Variants in MTCL1 observed in about 807,000 individuals in gnomAD.
The protein encoded by MTCL1 is microtubule cross-linking factor 1.
In MTCL1, 79 loss-of-function variants were observed where a neutral mutation model predicts 141.4. The observed-to-expected ratio is 0.56, with a 90% confidence interval of 0.47 to 0.67. The LOEUF (loss-of-function observed/expected upper bound fraction) is 0.67. Ranked by LOEUF, MTCL1 falls within the 30% of genes least tolerant of loss-of-function variation. The probability of loss-of-function intolerance (pLI) is 0.00; values close to 1 mark genes in which losing one functional copy is unlikely to be tolerated. For synonymous variants in MTCL1, 914 were observed against 875.8 expected, an observed-to-expected ratio of 1.04 and a Z score of -0.77; for missense variants, 2,177 against 2,113.9, an observed-to-expected ratio of 1.03 and a Z score of -0.59.
In MTCL1 at chr18:8,824,895, C is replaced by CCG; in HGVS notation, c.3386_3387dup (p.Asp1130ArgfsTer29). On this transcript the variant is annotated frameshift_variant, in exon 15 of 17. Coordinates refer to ENST00000359865, the Ensembl canonical transcript of MTCL1. LOFTEE classifies it high-confidence loss of function. ...CAACAGGGGCCACAATGGTGGGGGGCCGGACCTTTGGGCCGACAGGACCGA... is the reference window on the plus strand; with the variant it reads ...CAACAGGGGCCACAATGGTGGGGGGCCGCGGACCTTTGGGCCGACAGGACCGA... The CCG allele has an allele frequency of 6.2e-7, 1 of 1,613,888 alleles. No individual in the cohort carries two copies. The highest frequency in any genetic ancestry group is 8.5e-7 in the Non-Finnish European group (1 of 1,180,006).
At chr18:8,825,104 C>A (rs199872444) in exon 15 of MTCL1, 1 of 1,604,180 alleles carries the variant, frequency 6.2e-7, no homozygotes, top group Non-Finnish European at 8.5e-7. Flanking sequence ...GCCCGCCTGC[C>A]GTGCGCAGGG....
chr18:8,750,326 G>A (rs969110773), intron 4 of MTCL1, among the ~76,000 whole-genome samples: 1 of 152,222 alleles, frequency 6.6e-6, no homozygotes, highest in Non-Finnish European at 1.5e-5. Context: ...GATTACAGAC[G>A]TGAGTCTCTG....
intron 6 of MTCL1, among the ~76,000 whole-genome samples, chr18:8,785,510 C>T (rs1047636531): frequency 6.6e-6 from 1 of 152,216 alleles, no homozygotes; most frequent in Non-Finnish European, 1.5e-5. Context: ...GTGCATGGCC[C>T]AGCTGCCGCC....
At chr18:8,771,153 A>T (rs979803869) in intron 4 of MTCL1, among the ~76,000 whole-genome samples, 4 of 151,994 alleles carry the variant, frequency 2.6e-5, no homozygotes, top group Non-Finnish European at 5.9e-5. Flanking sequence ...ATCTTTTTTT[A>T]AAAATTATTT....
chr18:8,764,506 CA>C (rs1052539818), intron 4 of MTCL1, among the ~76,000 whole-genome samples: 27 of 152,060 alleles, frequency 1.8e-4, no homozygotes, highest in African/African-American at 6.5e-4. Flanking sequence ...TTAGTAGAGA[CA>C]GGGTTTCACC....
rs1406088097 is a variant in MTCL1, at chr18:8,817,326, A to G, written c.2860-1637A>G. Among the ~76,000 whole-genome samples, 3 of 144,360 alleles carry G rather than the reference A, an allele frequency of 2.1e-5. No homozygotes were observed. The East Asian group carries it at 6.0e-4, about 29-fold the overall frequency. The allele number at this position is 144,360 out of a possible 152,430, so 94.7% of individuals were successfully genotyped here. On this transcript the variant is annotated intron_variant, in intron 12 of 16. Coordinates refer to ENST00000359865, the Ensembl canonical transcript of MTCL1. Reference sequence around the variant, plus strand: ...AACTGCAAAGAACTGTGTCATCATCAGGGAGGTGGAGGAGGAGAGAGCAGA... The same window carrying G: ...AACTGCAAAGAACTGTGTCATCATCGGGGAGGTGGAGGAGGAGAGAGCAGA...
exon 17 of MTCL1, chr18:8,831,969 T>C (rs1568124835): frequency 1.2e-6 from 1 of 821,502 alleles, no homozygotes; most frequent in Non-Finnish European, 1.9e-6. Context: ...ACTGAGATGT[T>C]TCTAGAATGA....
chr18:8,718,745 C>A, intron 3 of MTCL1, 97 bp downstream of exon 2: 1 of 1,093,538 alleles, frequency 9.1e-7, no homozygotes, highest in Non-Finnish European at 1.4e-6. Flanking sequence ...TTGTGTCTGT[C>A]TCTACAGATT....
chr18:8,728,455 G>A (rs904328508), intron 4 of MTCL1, among the ~76,000 whole-genome samples: 2 of 151,974 alleles, frequency 1.3e-5, no homozygotes, highest in Non-Finnish European at 2.9e-5. Context: ...TTTTATTTTT[G>A]AAGCTAATCT....
intron 14 of MTCL1, among the ~76,000 whole-genome samples, chr18:8,823,708 G>A (rs768588792): frequency 4.6e-5 from 7 of 152,222 alleles, no homozygotes; most frequent in South Asian, 2.1e-4. Flanking sequence ...GTTTTACCCC[G>A]TGGTGCTGAC....
chr18:8,754,660 G>T (rs922351552), intron 4 of MTCL1, among the ~76,000 whole-genome samples: 2 of 151,958 alleles, frequency 1.3e-5, no homozygotes, highest in Non-Finnish European at 2.9e-5. Flanking sequence ...TTGTATTTTT[G>T]CAGCCATAGC....
At chr18:8,727,407 C>T (rs1016278977) in intron 4 of MTCL1, among the ~76,000 whole-genome samples, 1 of 152,194 alleles carries the variant, frequency 6.6e-6, no homozygotes, top group African/African-American at 2.4e-5. Context: ...TACATTCCTA[C>T]TAACAGTGTA....
exon 6 of MTCL1, chr18:8,784,793 C>G (rs150423289): frequency 6.2e-7 from 1 of 1,610,920 alleles, no homozygotes; most frequent in African/African-American, 1.3e-5. Flanking sequence ...TTCCGTGTCC[C>G]GGGACTCCCC....
chr18:8,772,404 G>A (rs2096488527), intron 4 of MTCL1, among the ~76,000 whole-genome samples: 3 of 151,902 alleles, frequency 2.0e-5, no homozygotes, highest in Non-Finnish European at 2.9e-5. Flanking sequence ...TAAAATACAA[G>A]TTTTATTTTC....
At chr18:8,729,669 G>C (rs1357099368) in intron 4 of MTCL1, among the ~76,000 whole-genome samples, 1 of 76,964 alleles carries the variant, frequency 1.3e-5, no homozygotes, top group Non-Finnish European at 2.5e-5. Flanking sequence ...TTCCCAAGAA[G>C]ACAAATATAT....
intron 2 of MTCL1, among the ~76,000 whole-genome samples, 159 bp from the exon 2 acceptor site, chr18:8,718,264 TC>T (rs2096143282): frequency 6.6e-6 from 1 of 152,198 alleles, no homozygotes; most frequent in Admixed American, 6.5e-5. Flanking sequence ...TATGCAAATT[TC>T]CAGAGGTTCT....
chr18:8,800,098 G>C (rs1389922552), intron 10 of MTCL1, among the ~76,000 whole-genome samples: 1 of 152,226 alleles, frequency 6.6e-6, no homozygotes, highest in African/African-American at 2.4e-5. Flanking sequence ...TCCAAGGACG[G>C]AAGATGGACG....
chr18:8,778,055 C>T, intron 5 of MTCL1, 163 bp downstream of exon 4: 2 of 541,176 alleles, frequency 3.7e-6, no homozygotes, highest in Non-Finnish European at 6.3e-6. Context: ...TGAACATTTT[C>T]TTTGCAAACC....
At chr18:8,758,155 C>T (rs148384668) in intron 4 of MTCL1, among the ~76,000 whole-genome samples, 3,190 of 151,982 alleles carry the variant, frequency 0.021, 51 homozygotes, top group Non-Finnish European at 0.031. Context: ...CTCCGAGTAG[C>T]TGGGATTACA....
Sources: gnomAD v4.1 joint callset for allele counts (sites outside exome capture counted in the v4.1 genomes callset) on GRCh38, gnomAD v4.1.1 for gene constraint, MANE v1.5 for transcripts, NCBI Gene and HGNC (gene_info 2026-07-23, HGNC 2026-07-21) for gene names.